CNP: variants seen among roughly 807,000 people sequenced by gnomAD.
CNP encodes 2',3'-cyclic nucleotide 3' phosphodiesterase, also known as 2',3'-cyclic-nucleotide 3'-phosphodiesterase.
CNP carries 8 observed loss-of-function variants against 37.9 expected under a neutral mutation model. The ratio of observed to expected loss-of-function variants is 0.21; its 90% CI spans 0.12 to 0.38. CNP has a LOEUF of 0.38. Ranked by LOEUF, CNP falls within the 10% of genes least tolerant of loss-of-function variation. The pLI, the probability that CNP is intolerant of heterozygous loss-of-function variation, is 1.00. For missense variants in CNP, 457 were observed against 551.0 expected, an observed-to-expected ratio of 0.83 and a Z score of 1.71; for synonymous variants, 237 against 238.3, an observed-to-expected ratio of 0.99 and a Z score of 0.05.
rs1012182999 is a variant in CNP at position 41,968,937 on chromosome 17, G to A, written c.676+197G>A. Among the ~76,000 whole-genome samples the A allele has an allele frequency of 9.9e-5, 15 of 152,156 alleles. No individual in the cohort carries two copies. Among genetic ancestry groups the A allele is most frequent in the Non-Finnish European group, 1.6e-4 (11 of 68,024 alleles). Reference sequence around the variant, plus strand: ...TTGGCAGCACATTGGGAACACGGGGGCTTCCCAGAGCGCCTTTCCTCCCAC... The same window carrying A: ...TTGGCAGCACATTGGGAACACGGGGACTTCCCAGAGCGCCTTTCCTCCCAC... On this transcript the variant is annotated intron_variant, in intron 2 of 3. Coordinates refer to ENST00000393892, the MANE Select transcript of CNP (RefSeq NM_033133.5). The surrounding 1 kb of genome is among the most constrained non-coding windows in gnomAD (Gnocchi z 4.8).
At chr17:41,971,440 C>T (rs1220931159) in intron 2 of CNP, 2 of 150,830 alleles carry the variant, frequency 1.3e-5, no homozygotes, top group African/African-American at 4.9e-5. Context: ...GCTCTGTTGC[C>T]TAGGCTGGAG....
Position 41,974,029 on chromosome 17 carries a change from A to G in CNP, c.*105A>G, listed in dbSNP as rs1275894262. On this transcript the variant is annotated 3_prime_UTR_variant, in exon 4 of 4. Coordinates refer to ENST00000393892, the MANE Select transcript of CNP (RefSeq NM_033133.5). Reference sequence around the variant, plus strand: ...ATTTTTTTTTTTTTTTTTTTTACTCAAAGTTAACCTACCTGTAACTTTTTA... The same window carrying G: ...ATTTTTTTTTTTTTTTTTTTTACTCGAAGTTAACCTACCTGTAACTTTTTA... 4 of 945,904 alleles carry G rather than the reference A, an allele frequency of 4.2e-6. No individual in the cohort carries two copies. The highest frequency in any genetic ancestry group is 5.8e-6 in the Non-Finnish European group (4 of 690,832). The allele number at this position is 945,904 out of a possible 1,614,324, so 58.6% of individuals were successfully genotyped here.
At chr17:41,969,071 GA>G (rs2050946684) in intron 2 of CNP, among the ~76,000 whole-genome samples, 1 of 152,124 alleles carries the variant, frequency 6.6e-6, no homozygotes, top group African/African-American at 2.4e-5. Flanking sequence ...GTAGTAACAG[GA>G]AACATGTCCT....
Position 41,977,501 on chromosome 17 carries a change from T to C in CNP, c.*3577T>C. 1 of 554,030 alleles carries C rather than the reference T, an allele frequency of 1.8e-6. No individual in the cohort carries two copies. 34.3% of individuals were successfully genotyped at this position (554,030 alleles called of 1,614,324 possible). On this transcript the variant is annotated 3_prime_UTR_variant, in exon 4 of 4. Transcript: ENST00000393892. ...AACCTGCCCCATCCCGTGCAAAACA[T>C]GCTACCTGATCCCACTCCTAGGACA...
At chr17:41,973,264 G>A (rs1379288807) in intron 3 of CNP, among the ~76,000 whole-genome samples, 2 of 152,198 alleles carry the variant, frequency 1.3e-5, no homozygotes, top group African/African-American at 4.8e-5. Context: ...CTGTCTGAGC[G>A]CCTTCGTGTT....
intron 1 of CNP, chr17:41,967,242 T>G: frequency 4.5e-6 from 1 of 221,842 alleles, no homozygotes; most frequent in Non-Finnish European, 8.8e-6. Context: ...CCGGGCCCAG[T>G]CTCATCACGC....
In CNP at chr17:41,977,295, T is replaced by C. The variant is rs782623781; in HGVS notation, c.*3371T>C. ...TGAAGCCGCCAGGACCGCCAAAGAA[T>C]GCCTTGAAGATATTGTTTGGATCAA... On this transcript the variant is annotated 3_prime_UTR_variant, in exon 4 of 4. Transcript: ENST00000393892. 2.5e-6 allele frequency: 4 copies of C among 1,585,202 alleles called. No individual in the cohort carries two copies. In the East Asian group the frequency reaches 9.2e-5, roughly 36 times the overall value.
chr17:41,968,625 G>C lies in CNP; in HGVS notation c.561G>C (p.Pro187=), dbSNP rs377381620. 1.2e-6 allele frequency: 2 copies of C among 1,614,016 alleles called. No homozygotes were observed. Among genetic ancestry groups the C allele is most frequent in the African/African-American group, 1.3e-5 (1 of 74,914 alleles). The change falls in exon 2 of 4, where the codon CCG becomes CCC. Residue 187 remains proline, a synonymous_variant. Coordinates refer to ENST00000393892, the MANE Select transcript of CNP (RefSeq NM_033133.5). The surrounding 1 kb of genome is among the most constrained non-coding windows in gnomAD (Gnocchi z 4.8). The stretch of plus-strand genomic sequence containing the variant: ...CTGGGCTGGAGAAGGACTTCCTGCC[G>C]CTCTACTTCGGCTGGTTCCTGACCA... ...LKPGLEKDFL[P]LYFGWFLTKK...
At chr17:41,969,057 T>C (rs574219119) in intron 2 of CNP, among the ~76,000 whole-genome samples, 2 of 152,252 alleles carry the variant, frequency 1.3e-5, no homozygotes, top group African/African-American at 4.8e-5. Context: ...AAAAACAAAT[T>C]ACTGTAGTAA....
In CNP at chr17:41,968,445, A is replaced by C; in HGVS notation, c.381A>C (p.Glu127Asp). 1 of 1,614,094 alleles carries C rather than the reference A, an allele frequency of 6.2e-7. No individual in the cohort carries two copies. Among genetic ancestry groups the C allele is most frequent in the Non-Finnish European group, 8.5e-7 (1 of 1,180,024 alleles). Reference sequence around the variant, plus strand: ...TTGTGCTTGATGACACCAACCACGAACGGGAACGGCTGGAGCAGCTCTTTG... The same window carrying C: ...TTGTGCTTGATGACACCAACCACGACCGGGAACGGCTGGAGCAGCTCTTTG... ...RILVLDDTNH[E>D]RERLEQLFEM... The change falls in exon 2 of 4, where the codon GAA becomes GAC. Residue 127 changes from glutamate (E) to aspartate (D), a missense_variant. Glu to Asp is a conservative substitution (Grantham distance 45, BLOSUM62 2). Around this residue, in one of 2 missense-constraint regions of CNP, gnomAD observed 166 missense variants for 259.3 expected, o/e 0.64. Transcript: ENST00000393892. The surrounding 1 kb of genome is among the most constrained non-coding windows in gnomAD (Gnocchi z 4.8).
chr17:41,977,427 G>T lies in CNP; in HGVS notation c.*3503G>T. 2 of 1,085,078 alleles carry T rather than the reference G, an allele frequency of 1.8e-6. No homozygotes were observed. Among genetic ancestry groups the T allele is most frequent in the East Asian group, 2.6e-5 (1 of 38,024 alleles). The allele number at this position is 1,085,078 out of a possible 1,614,324, so 67.2% of individuals were successfully genotyped here. ...AGAACAGATCTCCAAAGCTTTCCTGGAGAGTCTCACTCCCCTCCTTTCCCA... is the reference window on the plus strand; with the variant it reads ...AGAACAGATCTCCAAAGCTTTCCTGTAGAGTCTCACTCCCCTCCTTTCCCA... On this transcript the variant is annotated 3_prime_UTR_variant, in exon 4 of 4. Transcript: ENST00000393892.
rs556827604 is a variant in CNP at position 41,977,193 on chromosome 17, C to G, written c.*3269C>G. Reference sequence around the variant, plus strand: ...ATGGGCCCCTCTGACTCCCAAAGAGCTGCCTAAGAGGCAATGAGTGTGTTG... The same window carrying G: ...ATGGGCCCCTCTGACTCCCAAAGAGGTGCCTAAGAGGCAATGAGTGTGTTG... On this transcript the variant is annotated 3_prime_UTR_variant, in exon 4 of 4. Coordinates refer to ENST00000393892, the MANE Select transcript of CNP (RefSeq NM_033133.5). 6.1e-6 allele frequency: 9 copies of G among 1,471,584 alleles called. No homozygotes were observed. Among genetic ancestry groups the G allele is most frequent in the Non-Finnish European group, 8.4e-6 (9 of 1,077,542 alleles). The allele number at this position is 1,471,584 out of a possible 1,614,324, so 91.2% of individuals were successfully genotyped here. A position where few individuals can be genotyped will look rare whatever the true frequency, so the allele number is the denominator to read the frequency against.
rs369559690 is a variant in CNP at position 41,975,883 on chromosome 17, C to G, written c.*1959C>G. On this transcript the variant is annotated 3_prime_UTR_variant, in exon 4 of 4. Transcript: ENST00000393892. Reference sequence around the variant, plus strand: ...ACAGCATGGTGCATGCCGCTGCATCCGTGAGCAGTGTGTCTCCTGCATGCA... The same window carrying G: ...ACAGCATGGTGCATGCCGCTGCATCGGTGAGCAGTGTGTCTCCTGCATGCA... 2.6e-5 allele frequency: 4 copies of G among 152,382 alleles called. No homozygotes were observed. The highest frequency in any genetic ancestry group is 9.6e-5 in the African/African-American group (4 of 41,568). The allele number at this position is 152,382 out of a possible 1,614,324, so 9.4% of individuals were successfully genotyped here. A position where few individuals can be genotyped will look rare whatever the true frequency, so the allele number is the denominator to read the frequency against.
Position 41,974,004 on chromosome 17 carries a change from ATTTTTTTTTT to A in CNP, c.*91_*100del, listed in dbSNP as rs34645700. The A allele has an allele frequency of 7.2e-6, 6 of 838,500 alleles. No homozygotes were observed. The highest frequency in any genetic ancestry group is 9.5e-6 in the Non-Finnish European group (6 of 630,156). 51.9% of individuals were successfully genotyped at this position (838,500 alleles called of 1,614,324 possible). On this transcript the variant is annotated 3_prime_UTR_variant, in exon 4 of 4. Transcript: ENST00000393892. ...CTCTGTTTGATCCTTGTTTTGTGAC[ATTTTTTTTTT>A]TTTTTTTTTTACTCAAAGTTAACCT... is the stretch of plus-strand genomic sequence containing the variant.
In CNP at chr17:41,977,315, G is replaced by T; in HGVS notation, c.*3391G>T. On this transcript the variant is annotated 3_prime_UTR_variant, in exon 4 of 4. Transcript: ENST00000393892. ...AAGAATGCCTTGAAGATATTGTTTG[G>T]ATCAAAATCTGTAGAGCAGGGCAAG... The T allele has an allele frequency of 6.3e-7, 1 of 1,580,426 alleles. No individual in the cohort carries two copies. Among genetic ancestry groups the T allele is most frequent in the African/African-American group, 1.3e-5 (1 of 74,322 alleles).
At chr17:41,971,011 G>A (rs577564634) in intron 2 of CNP, 2 of 152,222 alleles carry the variant, frequency 1.3e-5, no homozygotes, top group African/African-American at 4.8e-5. Context: ...TGATGGTGAC[G>A]TTGTGACTGC....
intron 1 of CNP, chr17:41,967,581 A>T: frequency 1.1e-6 from 1 of 887,206 alleles, no homozygotes; most frequent in Non-Finnish European, 1.4e-6. Flanking sequence ...CTGTGGGACC[A>T]TTGTACCCGC....
chr17:41,977,493 G>A lies in CNP; in HGVS notation c.*3569G>A, dbSNP rs1370917809. 3 of 568,896 alleles carry A rather than the reference G, an allele frequency of 5.3e-6. No homozygotes were observed. In the African/African-American group the frequency reaches 5.7e-5, roughly 11 times the overall value. The allele number at this position is 568,896 out of a possible 1,614,324, so 35.2% of individuals were successfully genotyped here. On this transcript the variant is annotated 3_prime_UTR_variant, in exon 4 of 4. Transcript: ENST00000393892. Reference sequence around the variant, plus strand: ...AGTGAGCAAACCTGCCCCATCCCGTGCAAAACATGCTACCTGATCCCACTC... The same window carrying A: ...AGTGAGCAAACCTGCCCCATCCCGTACAAAACATGCTACCTGATCCCACTC...
Position 41,967,847 on chromosome 17 carries a change from G to A in CNP, c.4-221G>A, listed in dbSNP as rs370556607. The A allele has an allele frequency of 5.0e-6, 7 of 1,390,306 alleles. No individual in the cohort carries two copies. In the African/African-American group the frequency reaches 8.7e-5, roughly 17 times the overall value. 86.1% of individuals were successfully genotyped at this position (1,390,306 alleles called of 1,614,324 possible). On this transcript the variant is annotated intron_variant, in intron 1 of 3. Transcript: ENST00000393892. ...TCCAGCACGTTTACCTTTCCGAAGT[G>A]GCAGGAATGGGGAAAGCGCACGCTT...
Sources: gnomAD v4.1 joint callset for allele counts (sites outside exome capture counted in the v4.1 genomes callset) on GRCh38, gnomAD v4.1.1 for gene constraint, gnomAD v4.1.1 regional missense constraint, Gnocchi (gnomAD v3.1) non-coding constraint, MANE v1.5 for transcripts, NCBI Gene and HGNC (gene_info 2026-07-23, HGNC 2026-07-21) for gene names.